Variants in TCF7L2 observed in about 807,000 individuals in gnomAD.
TCF7L2 encodes the protein transcription factor 7 like 2.
In TCF7L2, 23 loss-of-function variants were observed where a neutral mutation model predicts 77.9. That is an observed-to-expected ratio of 0.30 (90% CI 0.21 to 0.42). The LOEUF (loss-of-function observed/expected upper bound fraction) is 0.42, where lower values mean the gene tolerates loss of function less well. TCF7L2 is among the 10% of genes least tolerant of loss of function. TCF7L2 has a pLI of 1.00. For synonymous variants in TCF7L2, 413 were observed against 340.2 expected (o/e 1.21, Z -2.36); for missense variants, 654 against 793.1 (o/e 0.82, Z 2.11).
intron 4 of TCF7L2, among the ~76,000 whole-genome samples, chr10:113,038,399 G>A (rs951545883): frequency 7.9e-5 from 12 of 152,150 alleles, no homozygotes; most frequent in African/African-American, 2.2e-4. Flanking sequence ...CACCCACCTC[G>A]TATAGATCCT....
chr10:113,022,558 G>T (rs2048426744), intron 4 of TCF7L2, among the ~76,000 whole-genome samples: 1 of 152,128 alleles, frequency 6.6e-6, no homozygotes, highest in Non-Finnish European at 1.5e-5. Context: ...AGCCTAAAGT[G>T]TTCATTTCCC....
chr10:113,084,525 T>C (rs147725674), intron 5 of TCF7L2, among the ~76,000 whole-genome samples: 11 of 152,260 alleles, frequency 7.2e-5, no homozygotes, highest in South Asian at 2.1e-4. Context: ...GTTAAACTTA[T>C]CTAAAAATAT....
At chr10:112,990,616 C>T (rs1223471322) in intron 4 of TCF7L2, among the ~76,000 whole-genome samples, 1 of 151,850 alleles carries the variant, frequency 6.6e-6, no homozygotes, top group African/African-American at 2.4e-5. Context: ...CTGAGGTGGG[C>T]GGGCGATTGA....
At chr10:113,155,408 C>T (rs2071654900) in intron 11 of TCF7L2, among the ~76,000 whole-genome samples, 1 of 152,138 alleles carries the variant, frequency 6.6e-6, no homozygotes, top group Non-Finnish European at 1.5e-5. Flanking sequence ...GGGGTAGTAG[C>T]GTGGCCACTT....
At chr10:113,092,282 G>A (rs532339633) in intron 5 of TCF7L2, among the ~76,000 whole-genome samples, 1 of 152,342 alleles carries the variant, frequency 6.6e-6, no homozygotes, top group African/African-American at 2.4e-5. Flanking sequence ...TGTAAACTGT[G>A]AATAGGTGAG....
At chr10:113,067,784 G>C (rs2057441142) in intron 5 of TCF7L2, among the ~76,000 whole-genome samples, 1 of 152,028 alleles carries the variant, frequency 6.6e-6, no homozygotes. Flanking sequence ...TTTTTAAGTG[G>C]GGAGGGTTAT....
At chr10:112,997,616 A>T (rs2133259949) in intron 4 of TCF7L2, among the ~76,000 whole-genome samples, 1 of 152,348 alleles carries the variant, frequency 6.6e-6, no homozygotes, top group African/African-American at 2.4e-5. Context: ...CTCCCCCAGG[A>T]AGAGTGACCA....
Position 113,139,059 on chromosome 10 carries a change from A to T in TCF7L2, c.553-2125A>T, listed in dbSNP as rs998775251. ...TCAGTCCTTCCACCCCTTAGTAATC[A>T]TCTTCCCTTCTCTGGGCTATGGGTG... is the stretch of plus-strand genomic sequence containing the variant. On this transcript the variant is annotated intron_variant, in intron 5 of 13. Coordinates refer to ENST00000627217, the MANE Select transcript of TCF7L2 (RefSeq NM_001146274.2). Among the ~76,000 whole-genome samples the T allele has an allele frequency of 2.0e-5, 3 of 151,980 alleles. No individual in the cohort carries two copies. In the East Asian group the frequency reaches 5.8e-4, roughly 29 times the overall value.
At chr10:112,989,816 T>TTTCAGGGGG (rs1336365646) in intron 4 of TCF7L2, among the ~76,000 whole-genome samples, 1 of 152,168 alleles carries the variant, frequency 6.6e-6, no homozygotes, top group Non-Finnish European at 1.5e-5. Context: ...TGTTGTGGTG[T>TTTCAGGGGG]TTCAGGGGGT....
chr10:113,100,655 C>T (rs1321662526), intron 5 of TCF7L2, among the ~76,000 whole-genome samples: 2 of 152,116 alleles, frequency 1.3e-5, no homozygotes, highest in South Asian at 2.1e-4. Flanking sequence ...AAACTTATTG[C>T]GACCCTCTGG....
At chr10:113,094,507 G>T (rs1591604496) in intron 5 of TCF7L2, among the ~76,000 whole-genome samples, 1 of 152,292 alleles carries the variant, frequency 6.6e-6, no homozygotes, top group South Asian at 2.1e-4. Context: ...GGATTAGCAA[G>T]CATTCGGCTA....
chr10:113,038,061 T>G (rs544203460), intron 4 of TCF7L2, among the ~76,000 whole-genome samples: 1 of 152,236 alleles, frequency 6.6e-6, no homozygotes, highest in East Asian at 1.9e-4. Flanking sequence ...TTTACTTTAG[T>G]GGTTCTCAAC....
intron 5 of TCF7L2, among the ~76,000 whole-genome samples, chr10:113,099,645 G>A (rs1244139216): frequency 2.6e-5 from 4 of 152,222 alleles, no homozygotes; most frequent in African/African-American, 9.6e-5. Context: ...GATGAGAGGT[G>A]ACCCCCGAGC....
chr10:112,997,907 C>T (rs920600737), intron 4 of TCF7L2, among the ~76,000 whole-genome samples: 4 of 152,142 alleles, frequency 2.6e-5, no homozygotes, highest in African/African-American at 9.6e-5. Context: ...TGACACCTGA[C>T]GTATCTGTAA....
chr10:112,961,846 G>T (rs1360437590), intron 3 of TCF7L2, among the ~76,000 whole-genome samples: 1 of 151,336 alleles, frequency 6.6e-6, no homozygotes, highest in East Asian at 1.9e-4. Flanking sequence ...GGGGTGGGGG[G>T]CATTAGAAGG....
At chr10:113,140,194 T>A (rs539645902) in intron 5 of TCF7L2, among the ~76,000 whole-genome samples, 1 of 152,250 alleles carries the variant, frequency 6.6e-6, no homozygotes, top group South Asian at 2.1e-4. Context: ...CTTAATTTTT[T>A]CTTTGTGATC....
chr10:113,041,100 C>G (rs1159499195), intron 5 of TCF7L2, among the ~76,000 whole-genome samples: 1 of 152,156 alleles, frequency 6.6e-6, no homozygotes, highest in African/African-American at 2.4e-5. Flanking sequence ...CCATTTTGGG[C>G]TAACTGCCTC....
chr10:113,089,333 T>A, intron 5 of TCF7L2: 1 of 1,544,880 alleles, frequency 6.5e-7, no homozygotes, highest in Non-Finnish European at 8.7e-7. Context: ...GGGGGCTGTG[T>A]GTGCCTTGGT....
chr10:113,132,481 T>C (rs2066751498), intron 5 of TCF7L2, among the ~76,000 whole-genome samples: 1 of 152,200 alleles, frequency 6.6e-6, no homozygotes, highest in Admixed American at 6.5e-5. Context: ...TAAATCAAAA[T>C]TGGTGATTTC....
Sources: allele counts gnomAD v4.1 joint callset (sites outside exome capture counted in the v4.1 genomes callset), GRCh38; gene constraint gnomAD v4.1.1; transcripts MANE v1.5; gene names NCBI Gene and HGNC (gene_info 2026-07-23, HGNC 2026-07-21).